SEMA4A: variants seen among roughly 807,000 people sequenced by gnomAD.
SEMA4A encodes the protein semaphorin 4A.
In SEMA4A, 52 loss-of-function variants were observed where a neutral mutation model predicts 72.5. That is an observed-to-expected ratio of 0.72 (90% CI 0.57 to 0.90). SEMA4A has a LOEUF of 0.90. SEMA4A is among the 40% of genes least tolerant of loss of function. SEMA4A has a pLI of 0.00. For synonymous variants in SEMA4A, 369 were observed against 393.1 expected, an observed-to-expected ratio of 0.94 and a Z score of 0.73; for missense variants, 926 against 959.7, an observed-to-expected ratio of 0.96 and a Z score of 0.46.
chr1:156,161,728 T>C (rs1247770036), intron 9 of SEMA4A: 1 of 563,252 alleles, frequency 1.8e-6, no homozygotes, highest in Non-Finnish European at 3.1e-6. Flanking sequence ...TTCTAACTAG[T>C]TTATATTCTG....
chr1:156,165,776 T>A (rs1192072572), intron 10 of SEMA4A, among the ~76,000 whole-genome samples: 3 of 152,112 alleles, frequency 2.0e-5, no homozygotes, highest in Non-Finnish European at 4.4e-5. Context: ...TTCTGAAATT[T>A]CATGGTGTTG....
At chr1:156,174,220 G>T (rs891940349) in intron 11 of SEMA4A, among the ~76,000 whole-genome samples, 1 of 152,228 alleles carries the variant, frequency 6.6e-6, no homozygotes, top group Admixed American at 6.5e-5. Context: ...GTCAGTGGAA[G>T]AAATTTGTCA....
Position 156,158,080 on chromosome 1 carries a change from C to T in SEMA4A, c.311C>T (p.Pro104Leu). The T allele has an allele frequency of 1.2e-6, 2 of 1,614,124 alleles. No individual in the cohort carries two copies. The highest frequency in any genetic ancestry group is 1.7e-6 in the Non-Finnish European group (2 of 1,180,008). The change falls in exon 4 of 15, where the codon CCA becomes CTA. Residue 104 changes from proline to leucine, a missense_variant. Transcript: ENST00000368285. ...VPRLKNMIPW[P>L]ASDRKKSECA... ...ACTCCCCACTTTCAGATACCGTGGCCAGCCAGTGACAGAAAAAAGAGTGAA... is the reference window on the plus strand; with the variant it reads ...ACTCCCCACTTTCAGATACCGTGGCTAGCCAGTGACAGAAAAAAGAGTGAA...
intron 9 of SEMA4A, among the ~76,000 whole-genome samples, chr1:156,162,451 C>T (rs1174574967): frequency 6.6e-6 from 1 of 152,186 alleles, no homozygotes; most frequent in Non-Finnish European, 1.5e-5. Flanking sequence ...CTGGTGTATA[C>T]AGTAGTCAGC....
intron 2 of SEMA4A, chr1:156,155,879 C>A: frequency 4.7e-6 from 1 of 212,422 alleles, no homozygotes; most frequent in Non-Finnish European, 9.6e-6. Flanking sequence ...GGACATCCAG[C>A]CATGCCCACA....
At chr1:156,174,745 C>T in intron 11 of SEMA4A, 77 bp from the exon 12 acceptor site, 1 of 1,594,332 alleles carries the variant, frequency 6.3e-7, no homozygotes, top group Middle Eastern at 1.7e-4. Flanking sequence ...TTTCTTACAG[C>T]TGGGGAGGCC....
At chr1:156,158,010 A>C (rs1653202865) in intron 3 of SEMA4A, 60 bp from the exon 4 acceptor site, 2 of 1,555,244 alleles carry the variant, frequency 1.3e-6, no homozygotes, top group Non-Finnish European at 1.8e-6. Flanking sequence ...GAGGCAGGTC[A>C]CAGCTAGAAC....
chr1:156,175,727 C>T, intron 14 of SEMA4A, 71 bp downstream of exon 14: 1 of 1,108,412 alleles, frequency 9.0e-7, no homozygotes, highest in Non-Finnish European at 1.3e-6. Context: ...GTGGGCATTC[C>T]TGCTCCAATT....
intron 2 of SEMA4A, chr1:156,154,940 G>A: frequency 3.3e-6 from 2 of 604,166 alleles, no homozygotes; most frequent in South Asian, 4.6e-5. Context: ...GAGGAAAACA[G>A]GTGGCCACGG....
chr1:156,163,791 A>G (rs915038083), intron 10 of SEMA4A, among the ~76,000 whole-genome samples: 3 of 149,248 alleles, frequency 2.0e-5, no homozygotes, highest in Non-Finnish European at 4.4e-5. Flanking sequence ...AATCCCAGCC[A>G]TTTGGGAGAC....
chr1:156,175,582 G>C lies in SEMA4A; in HGVS notation c.1619G>C (p.Arg540Pro), dbSNP rs184592535. 9 of 1,613,430 alleles carry C rather than the reference G, an allele frequency of 5.6e-6. No homozygotes were observed. In the East Asian group the frequency reaches 2.0e-4, roughly 36 times the overall value. Residue 540 changes from arginine to proline, a missense_variant, in exon 14 of 15, where the codon CGG becomes CCG. Physicochemically the swap from Arg to Pro is moderately radical, Grantham distance 103. Coordinates refer to ENST00000368285, the MANE Select transcript of SEMA4A (RefSeq NM_022367.4). ...AACTCCTGGAAGCAGGACATGGAGC[G>C]GGGGAACCCAGAGTGGGCATGTGCC... ...NLNSWKQDME[R>P]GNPEWACASG...
At chr1:156,160,630 T>C in intron 7 of SEMA4A, 71 bp downstream of exon 7, 1 of 1,354,820 alleles carries the variant, frequency 7.4e-7, no homozygotes, top group Non-Finnish European at 1.1e-6. Context: ...CAACTTTCAT[T>C]TGCGGAAGGT....
chr1:156,166,553 A>G (rs529893486), intron 10 of SEMA4A, among the ~76,000 whole-genome samples: 2 of 151,656 alleles, frequency 1.3e-5, no homozygotes, highest in African/African-American at 4.8e-5. Flanking sequence ...GTTGTGTTCT[A>G]TTTTTCTGGA....
intron 3 of SEMA4A, 35 bp from the exon 4 acceptor site, chr1:156,158,035 C>A (rs749419170): frequency 2.5e-6 from 4 of 1,611,348 alleles, no homozygotes; most frequent in Non-Finnish European, 3.4e-6. Context: ...GACCTTATTT[C>A]TTTTCATCTC....
At chr1:156,159,241 C>T (rs1345831043) in intron 6 of SEMA4A, among the ~76,000 whole-genome samples, 1 of 151,856 alleles carries the variant, frequency 6.6e-6, no homozygotes, top group Non-Finnish European at 1.5e-5. Flanking sequence ...GGCTGAGTCA[C>T]AAGAATTGCT....
rs147459404 is a variant in SEMA4A at position 156,168,850 on chromosome 1, G to A, written c.1135-3976G>A. Among the ~76,000 whole-genome samples, 149 of 152,330 alleles carry A rather than the reference G, an allele frequency of 9.8e-4. 1 individual carries two copies. The highest frequency in any genetic ancestry group is 3.3e-3 in the African/African-American group (138 of 41,570). ...CAGTTTCCCAGAGCAGCCTCTTCTA[G>A]TCTTCTGTGCAGAGGCAGATGATCT... On this transcript the variant is annotated intron_variant, in intron 10 of 14. Coordinates refer to ENST00000368285, the MANE Select transcript of SEMA4A (RefSeq NM_022367.4).
chr1:156,152,132 C>T (rs890827190), upstream of SEMA4A, among the ~76,000 whole-genome samples: 2 of 152,176 alleles, frequency 1.3e-5, no homozygotes, highest in Admixed American at 1.3e-4. Flanking sequence ...TGTAACCTCC[C>T]TTCTTGATCT....
rs775519226 is a variant in SEMA4A, at chr1:156,176,460, G to A, written c.1749G>A (p.Leu583=). The change falls in exon 15 of 15, where the codon CTG becomes CTA. Residue 583 remains leucine, a synonymous_variant. Transcript: ENST00000368285. The part of the protein sequence containing the change: ...NSILELPCPH[L]SALASYYWSH... ...TCCTGGAGCTCCCCTGCCCCCACCT[G>A]TCAGCCTTGGCCTCTTATTATTGGA... is the stretch of plus-strand genomic sequence containing the variant. The A allele has an allele frequency of 8.1e-6, 13 of 1,614,152 alleles. No individual in the cohort carries two copies. The South Asian group carries it at 1.4e-4, about 18-fold the overall frequency.
rs752143580 is a variant in SEMA4A, at chr1:156,160,920, T to C, written c.701T>C (p.Val234Ala). The C allele has an allele frequency of 1.2e-6, 2 of 1,613,446 alleles. No homozygotes were observed. Among genetic ancestry groups the C allele is most frequent in the Admixed American group, 1.7e-5 (1 of 59,944 alleles). Residue 234 changes from valine (V) to alanine (A), a missense_variant, in exon 8 of 15, where the codon GTG (valine) becomes GCG (alanine). Physicochemically the swap from Val to Ala is moderately conservative, Grantham distance 64. Coordinates refer to ENST00000368285, the MANE Select transcript of SEMA4A (RefSeq NM_022367.4). The part of the protein sequence containing the change: ...LRWLHHDASF[V>A]AAIPSTQVVY... The stretch of plus-strand genomic sequence containing the variant: ...TCCCCCGCAGATGACGCCTCCTTTG[T>C]GGCAGCCATCCCTTCGACCCAGGTC...
Sources: allele counts gnomAD v4.1 joint callset (sites outside exome capture counted in the v4.1 genomes callset), GRCh38; gene constraint gnomAD v4.1.1; transcripts MANE v1.5; gene names NCBI Gene and HGNC (gene_info 2026-07-23, HGNC 2026-07-21).